Variants in AP4E1 observed in about 807,000 individuals in gnomAD.
AP4E1 encodes adaptor related protein complex 4 subunit epsilon 1.
A neutral mutation model predicts 128.2 loss-of-function variants in AP4E1; 56 were observed. The observed-to-expected ratio is 0.44, with a 90% confidence interval of 0.35 to 0.55. The LOEUF (loss-of-function observed/expected upper bound fraction) is 0.55. Ranked by LOEUF, AP4E1 falls within the 20% of genes least tolerant of loss-of-function variation. The pLI, the probability that AP4E1 is intolerant of heterozygous loss-of-function variation, is 0.00. For synonymous variants in AP4E1, 484 were observed against 473.1 expected (o/e 1.02, Z -0.30); for missense variants, 1,324 against 1,307.7 (o/e 1.01, Z -0.19).
chr15:50,938,177 C>G (rs1192677322), intron 8 of AP4E1, among the ~76,000 whole-genome samples: 2 of 151,854 alleles, frequency 1.3e-5, no homozygotes, highest in Non-Finnish European at 2.9e-5. Flanking sequence ...TGGTGTGTAC[C>G]CTGGGTTTTC....
At chr15:50,954,332 T>G (rs1003157137) in intron 13 of AP4E1, among the ~76,000 whole-genome samples, 1 of 152,238 alleles carries the variant, frequency 6.6e-6, no homozygotes, top group Admixed American at 6.5e-5. Flanking sequence ...TAATTCTGCT[T>G]TAAAAATTTG....
chr15:50,988,428 C>T (rs2064759182), intron 16 of AP4E1, among the ~76,000 whole-genome samples: 1 of 152,128 alleles, frequency 6.6e-6, no homozygotes, highest in Non-Finnish European at 1.5e-5. Context: ...AATTCTCCTG[C>T]CTCAGCCTTC....
At position 50,930,730 on chromosome 15, in the gene AP4E1, A is replaced by G. The variant is rs2063822932; in HGVS notation, c.703-75A>G. 5 of 1,413,132 alleles carry G rather than the reference A, an allele frequency of 3.5e-6. No individual in the cohort carries two copies. The African/African-American group carries it at 4.3e-5, about 12-fold the overall frequency. 87.5% of individuals were successfully genotyped at this position (1,413,132 alleles called of 1,614,324 possible). On this transcript the variant is annotated intron_variant, in intron 6 of 20. Transcript: ENST00000261842. Reference sequence around the variant, plus strand: ...TTAAGTATGTATTAAGTCAGGTTCTATATGACATTTCAATTAGGTCTATTT... The same window carrying G: ...TTAAGTATGTATTAAGTCAGGTTCTGTATGACATTTCAATTAGGTCTATTT...
chr15:50,966,332 A>C (rs925600706), intron 14 of AP4E1, among the ~76,000 whole-genome samples: 2 of 152,182 alleles, frequency 1.3e-5, no homozygotes, highest in Non-Finnish European at 2.9e-5. Context: ...TTCATTTTGA[A>C]CATTTCTTCA....
At chr15:50,943,283 G>A (rs988862205) in intron 10 of AP4E1, among the ~76,000 whole-genome samples, 6 of 152,014 alleles carry the variant, frequency 3.9e-5, no homozygotes, top group African/African-American at 1.2e-4. Flanking sequence ...TATCTTAAAA[G>A]CAATGAGCTA....
chr15:50,926,949 A>G (rs181485969), intron 5 of AP4E1, among the ~76,000 whole-genome samples: 7 of 152,368 alleles, frequency 4.6e-5, no homozygotes, highest in African/African-American at 2.4e-5. Context: ...GATAGCTTTT[A>G]CTAAGAATTA....
intron 1 of AP4E1, among the ~76,000 whole-genome samples, chr15:50,909,820 T>C (rs1258114016): frequency 6.6e-6 from 1 of 152,064 alleles, no homozygotes; most frequent in African/African-American, 2.4e-5. Context: ...CCCGAGTAGC[T>C]GGGACTACAA....
intron 8 of AP4E1, among the ~76,000 whole-genome samples, chr15:50,938,922 G>C (rs1318761650): frequency 6.6e-6 from 1 of 152,156 alleles, no homozygotes; most frequent in Non-Finnish European, 1.5e-5. Context: ...AATGTCAGTA[G>C]ATACTTATTT....
chr15:50,933,576 T>G, intron 7 of AP4E1, among the ~76,000 whole-genome samples: 1 of 152,074 alleles, frequency 6.6e-6, no homozygotes, highest in Non-Finnish European at 1.5e-5. Context: ...ACCAATTTTT[T>G]TTGGGGGGCA....
Position 50,993,455 on chromosome 15 carries a change from G to T in AP4E1, c.2176G>T (p.Glu726Ter), listed in dbSNP as rs2064828886. ...LPKKESKTGD[E>*]SGALPVPQES... ...CAAGAAGGAAAGCAAAACTGGTGAT[G>T]AAAGTGGAGCTCTGCCTGTTCCTCA... The change falls in exon 17 of 21, where the codon GAA becomes TAA. Residue 726 changes from glutamate (E) to a stop codon, truncating the protein, a stop_gained. Coordinates refer to ENST00000261842, the MANE Select transcript of AP4E1 (RefSeq NM_007347.5). LOFTEE classifies it high-confidence loss of function. 3.1e-6 allele frequency: 5 copies of T among 1,613,898 alleles called. No individual in the cohort carries two copies. The highest frequency in any genetic ancestry group is 1.3e-5 in the African/African-American group (1 of 74,942).
chr15:50,941,901 G>A (rs1284383526), intron 10 of AP4E1, 126 bp downstream of exon 10: 1 of 728,542 alleles, frequency 1.4e-6, no homozygotes, highest in Non-Finnish European at 2.3e-6. Context: ...TTTAACTTTT[G>A]GGTGTATTTA....
chr15:50,941,992 C>G (rs1386930780), intron 10 of AP4E1, among the ~76,000 whole-genome samples: 1 of 152,204 alleles, frequency 6.6e-6, no homozygotes. Flanking sequence ...TCTCAACTCA[C>G]TGCAACTTCC....
At chr15:50,974,562 C>T (rs1032180938) in intron 15 of AP4E1, among the ~76,000 whole-genome samples, 1 of 152,144 alleles carries the variant, frequency 6.6e-6, no homozygotes, top group Non-Finnish European at 1.5e-5. Context: ...CCACTGTGTA[C>T]TGCCTGTATT....
chr15:50,951,468 A>C (rs559384669), intron 13 of AP4E1, among the ~76,000 whole-genome samples: 2 of 152,178 alleles, frequency 1.3e-5, no homozygotes, highest in Non-Finnish European at 2.9e-5. Context: ...TAATGTAATC[A>C]CATGTAATTG....
intron 20 of AP4E1, 126 bp downstream of exon 20, chr15:51,001,309 T>C: frequency 1.1e-6 from 1 of 881,486 alleles, no homozygotes; most frequent in Non-Finnish European, 1.7e-6. Context: ...GTCTTTCAGA[T>C]GAATGTGTTT....
chr15:50,907,883 G>T (rs2063507556), upstream of AP4E1, among the ~76,000 whole-genome samples: 1 of 152,196 alleles, frequency 6.6e-6, no homozygotes, highest in Admixed American at 6.5e-5. Context: ...CAATCGGAAT[G>T]AATAAAATAC....
At chr15:50,909,561 A>T (rs983737417) in intron 1 of AP4E1, among the ~76,000 whole-genome samples, 2 of 152,264 alleles carry the variant, frequency 1.3e-5, no homozygotes, top group African/African-American at 2.4e-5. Flanking sequence ...ATGAGCAGTT[A>T]TAAAAATTCT....
chr15:50,980,628 A>G (rs1392145517), intron 15 of AP4E1, among the ~76,000 whole-genome samples: 2 of 152,180 alleles, frequency 1.3e-5, no homozygotes, highest in Non-Finnish European at 1.5e-5. Flanking sequence ...AAGGCATTTC[A>G]GAGATCTCAG....
rs776915189 is a variant in AP4E1, at chr15:50,925,118, A to G, written c.441A>G (p.Leu147=). The G allele has an allele frequency of 6.8e-6, 11 of 1,614,046 alleles. No individual in the cohort carries two copies. In the East Asian group the frequency reaches 2.0e-4, roughly 29 times the overall value. The stretch of plus-strand genomic sequence containing the variant: ...GCCAGGATCTGCAGAGCACTAACCT[A>G]GTAGAAGTGTGTATGGCACTGACTG... ...TVVKDLQSTN[L]VEVCMALTVV... The change falls in exon 5 of 21, where the codon CTA becomes CTG. Residue 147 remains leucine (L), a synonymous_variant. Coordinates refer to ENST00000261842, the MANE Select transcript of AP4E1 (RefSeq NM_007347.5).
Sources: gnomAD v4.1 joint callset for allele counts (sites outside exome capture counted in the v4.1 genomes callset) on GRCh38, gnomAD v4.1.1 for gene constraint, MANE v1.5 for transcripts, NCBI Gene and HGNC (gene_info 2026-07-23, HGNC 2026-07-21) for gene names.